The following AKAP12 variants were observed in gnomAD, a reference collection of about 807,000 sequenced individuals.
AKAP12 encodes the protein A-kinase anchor protein 12.
A neutral mutation model predicts 79.9 loss-of-function variants in AKAP12; 32 were observed. That is an observed-to-expected ratio of 0.40 (90% CI 0.30 to 0.54). The LOEUF is 0.54. Ranked by LOEUF, AKAP12 falls within the 20% of genes least tolerant of loss-of-function variation. The pLI, the probability that AKAP12 is intolerant of heterozygous loss-of-function variation, is 0.48. For missense variants in AKAP12, 2,074 were observed against 2,177.0 expected (o/e 0.95, Z 0.94); for synonymous variants, 808 against 857.0 (o/e 0.94, Z 1.00).
At chr6:151,341,637 C>G in intron 3 of AKAP12, 1 of 1,051,264 alleles carries the variant, frequency 9.5e-7, no homozygotes, top group African/African-American at 1.7e-5. Flanking sequence ...TGTTGGGCTG[C>G]CCCTGCCGGC....
chr6:151,279,271 A>C (rs1776350773), intron 2 of AKAP12, among the ~76,000 whole-genome samples: 1 of 152,170 alleles, frequency 6.6e-6, no homozygotes, highest in South Asian at 2.1e-4. Flanking sequence ...GAAAGTAGGG[A>C]TAGAGAAGGA....
chr6:151,324,548 C>T (rs1212122122), intron 3 of AKAP12: 2 of 985,270 alleles, frequency 2.0e-6, no homozygotes, highest in African/African-American at 3.5e-5. Flanking sequence ...CCGAGGCTCC[C>T]CTCCCTCCTC....
rs1321415669 is a variant in AKAP12, at chr6:151,352,136, G to A, written c.3745G>A (p.Glu1249Lys). 6.2e-7 allele frequency: 1 copy of A among 1,614,080 alleles called. No individual in the cohort carries two copies. Among genetic ancestry groups the A allele is most frequent in the African/African-American group, 1.3e-5 (1 of 74,920 alleles). Residue 1249 changes from glutamate (E) to lysine (K), a missense_variant, in exon 4 of 5, where the codon GAG (glutamate) becomes AAG (lysine). Transcript: ENST00000402676. ...MEDTLEHTDKEVSVETVSILS... is the reference protein window; with the variant it reads ...MEDTLEHTDKKVSVETVSILS... Reference sequence around the variant, plus strand: ...AGACACTCTAGAGCATACAGATAAAGAGGTGTCAGTGGAAACTGTATCCAT... The same window carrying A: ...AGACACTCTAGAGCATACAGATAAAAAGGTGTCAGTGGAAACTGTATCCAT...
chr6:151,245,933 A>G (rs4869722), intron 2 of AKAP12, among the ~76,000 whole-genome samples: 96,658 of 151,974 alleles, frequency 0.64, 30,886 homozygotes, highest in Admixed American at 0.75. Context: ...CATATCACAT[A>G]TAGATTTAGG....
intron 3 of AKAP12, among the ~76,000 whole-genome samples, chr6:151,338,105 G>A (rs1253351956): frequency 2.6e-5 from 4 of 152,194 alleles, no homozygotes; most frequent in Non-Finnish European, 5.9e-5. Context: ...ATATTTCAGT[G>A]TGTATTCTCC....
At chr6:151,289,058 T>C (rs903025566) in intron 2 of AKAP12, among the ~76,000 whole-genome samples, 4 of 152,244 alleles carry the variant, frequency 2.6e-5, no homozygotes, top group Non-Finnish European at 4.4e-5. Flanking sequence ...GCTTGTATTT[T>C]TTGCTGGAGG....
At chr6:151,281,982 C>T (rs1776418914) in intron 2 of AKAP12, among the ~76,000 whole-genome samples, 1 of 151,298 alleles carries the variant, frequency 6.6e-6, no homozygotes, top group African/African-American at 2.4e-5. Flanking sequence ...ATAGGCGTGA[C>T]CCACCAAGTG....
At chr6:151,302,506 A>T (rs1776883931) in intron 2 of AKAP12, among the ~76,000 whole-genome samples, 6 of 152,106 alleles carry the variant, frequency 3.9e-5, no homozygotes, top group Admixed American at 2.0e-4. Context: ...TGTGTGCTAT[A>T]GTCTTCATGT....
chr6:151,322,961 GTGATGT>G (rs1373723960), intron 3 of AKAP12, among the ~76,000 whole-genome samples: 1 of 152,190 alleles, frequency 6.6e-6, no homozygotes, highest in African/African-American at 2.4e-5. Flanking sequence ...GCTTTGGGTG[GTGATGT>G]CTTCCTCTAA....
intron 2 of AKAP12, among the ~76,000 whole-genome samples, chr6:151,250,798 G>A (rs1053827299): frequency 6.6e-6 from 1 of 151,762 alleles, no homozygotes; most frequent in Non-Finnish European, 1.5e-5. Flanking sequence ...GTAGAGATGG[G>A]GGTTTCACCG....
intron 2 of AKAP12, among the ~76,000 whole-genome samples, chr6:151,251,337 G>A (rs911694662): frequency 1.3e-5 from 2 of 152,134 alleles, no homozygotes; most frequent in African/African-American, 2.4e-5. Flanking sequence ...AGACCCTCTT[G>A]TATAAGGCAG....
intron 2 of AKAP12, among the ~76,000 whole-genome samples, chr6:151,302,782 C>T (rs192388757): frequency 2.0e-5 from 3 of 152,228 alleles, no homozygotes; most frequent in Admixed American, 1.3e-4. Flanking sequence ...GTTTAAGATT[C>T]ACTGGGTTAC....
At chr6:151,340,754 C>T (rs1343402772) in intron 3 of AKAP12, among the ~76,000 whole-genome samples, 4 of 141,804 alleles carry the variant, frequency 2.8e-5, no homozygotes, top group African/African-American at 1.2e-4. Context: ...CCAGACAAAA[C>T]CCCATTGTGT....
At chr6:151,269,098 G>A (rs1776125130) in intron 2 of AKAP12, among the ~76,000 whole-genome samples, 1 of 151,594 alleles carries the variant, frequency 6.6e-6, no homozygotes, top group Admixed American at 6.6e-5. Flanking sequence ...GATGAAAGAT[G>A]TTCAGTCTTA....
chr6:151,325,089 T>G (rs1398505497), intron 3 of AKAP12: 2 of 985,352 alleles, frequency 2.0e-6, no homozygotes, highest in East Asian at 1.1e-4. Context: ...AAGGAACAAG[T>G]TCACTTCTGA....
intron 2 of AKAP12, among the ~76,000 whole-genome samples, chr6:151,278,548 G>A (rs1389304054): frequency 1.3e-5 from 2 of 151,986 alleles, no homozygotes; most frequent in African/African-American, 2.4e-5. Context: ...AAGAATCATA[G>A]CATCGTAAAT....
intron 2 of AKAP12, among the ~76,000 whole-genome samples, chr6:151,267,819 C>G (rs946260417): frequency 2.6e-5 from 4 of 152,252 alleles, no homozygotes; most frequent in African/African-American, 9.6e-5. Context: ...CAGGAAGTTA[C>G]AGTGTGAAAG....
chr6:151,278,286 G>T (rs994791294), intron 2 of AKAP12, among the ~76,000 whole-genome samples: 35 of 152,186 alleles, frequency 2.3e-4, no homozygotes, highest in African/African-American at 8.0e-4. Context: ...TGCGATCTCG[G>T]CTCACTGCAG....
Position 151,350,256 on chromosome 6 carries a change from G to A in AKAP12, c.1865G>A (p.Arg622His), listed in dbSNP as rs961380274. Reference protein sequence around the residue: ...SFKKMVTPKKRVRRPSESDKE... With the variant: ...SFKKMVTPKKHVRRPSESDKE... ...AAAAAGATGGTGACGCCCAAGAAGC[G>A]TGTTAGACGGCCTTCGGAAAGTGAT... Residue 622 changes from arginine to histidine, a missense_variant, in exon 4 of 5, where the codon CGT (arginine) becomes CAT (histidine). Physicochemically the swap from Arg to His is conservative, Grantham distance 29. Transcript: ENST00000402676. The surrounding 1 kb of genome is among the most constrained non-coding windows in gnomAD (Gnocchi z 4.8). The A allele has an allele frequency of 2.5e-6, 4 of 1,614,038 alleles. No homozygotes were observed. The highest frequency in any genetic ancestry group is 2.2e-5 in the East Asian group (1 of 44,856).
Sources: gnomAD v4.1 joint callset for allele counts (sites outside exome capture counted in the v4.1 genomes callset) on GRCh38, gnomAD v4.1.1 for gene constraint, Gnocchi (gnomAD v3.1) non-coding constraint, MANE v1.5 for transcripts, NCBI Gene and HGNC (gene_info 2026-07-23, HGNC 2026-07-21) for gene names.